Variants in NCKAP5 observed in about 807,000 individuals in gnomAD.
The protein encoded by NCKAP5 is NCK associated protein 5.
NCKAP5 carries 92 observed loss-of-function variants against 167.0 expected under a neutral mutation model. The observed-to-expected ratio is 0.55, with a 90% CI of 0.47 to 0.66. The LOEUF is 0.66. NCKAP5 is among the 30% of genes least tolerant of loss of function. The pLI, the probability that NCKAP5 is intolerant of heterozygous loss-of-function variation, is 0.00. For missense variants in NCKAP5, 2,378 were observed against 2,315.0 expected, an observed-to-expected ratio of 1.03 and a Z score of -0.56; for synonymous variants, 891 against 877.4, an observed-to-expected ratio of 1.02 and a Z score of -0.27.
At chr2:133,086,062 G>A (rs1255886263) in intron 6 of NCKAP5, among the ~76,000 whole-genome samples, 1 of 152,132 alleles carries the variant, frequency 6.6e-6, no homozygotes, top group African/African-American at 2.4e-5. Context: ...ACTTCTGTGT[G>A]ACTTTGGATC....
At chr2:133,088,010 TA>T (rs2081050565) in intron 6 of NCKAP5, among the ~76,000 whole-genome samples, 1 of 152,218 alleles carries the variant, frequency 6.6e-6, no homozygotes, top group Non-Finnish European at 1.5e-5. Context: ...GGATAAATTT[TA>T]CCAGGGCTGT....
At chr2:133,215,244 C>T (rs2086377003) in intron 4 of NCKAP5, among the ~76,000 whole-genome samples, 1 of 152,026 alleles carries the variant, frequency 6.6e-6, no homozygotes, top group African/African-American at 2.4e-5. Flanking sequence ...TTCTGATGAA[C>T]AGATCAAATA....
chr2:133,008,425 A>G (rs2149353777), intron 6 of NCKAP5, among the ~76,000 whole-genome samples: 2 of 152,332 alleles, frequency 1.3e-5, no homozygotes, highest in South Asian at 4.1e-4. Flanking sequence ...GCCTTCAGTA[A>G]GACAGTTAAT....
In NCKAP5 at chr2:133,103,773, C is replaced by T. The variant is rs2081593915; in HGVS notation, c.341+26205G>A. Among the ~76,000 whole-genome samples the T allele has an allele frequency of 2.6e-5, 4 of 152,286 alleles. No homozygotes were observed. The South Asian group carries it at 6.2e-4, about 24-fold the overall frequency. On this transcript the variant is annotated intron_variant, in intron 6 of 19. Transcript: ENST00000409261. ...CCAGCCTTGGCATCAGAGAGAGGTG[C>T]TGTCTCAGTCAGTCAATCAATCAAT...
chr2:133,138,056 C>A (rs1294564222), intron 5 of NCKAP5, among the ~76,000 whole-genome samples: 1 of 151,726 alleles, frequency 6.6e-6, no homozygotes, highest in Non-Finnish European at 1.5e-5. Context: ...CTGTAATGAG[C>A]TAGAAAGTTA....
intron 5 of NCKAP5, among the ~76,000 whole-genome samples, chr2:133,208,714 T>A (rs1014713442): frequency 6.6e-6 from 1 of 152,220 alleles, no homozygotes; most frequent in African/African-American, 2.4e-5. Flanking sequence ...ATGACAAGTG[T>A]ACCATGCTAA....
intron 16 of NCKAP5, among the ~76,000 whole-genome samples, chr2:132,756,571 C>G (rs949962361): frequency 2.0e-5 from 3 of 151,982 alleles, no homozygotes; most frequent in Non-Finnish European, 2.9e-5. Flanking sequence ...TTAGAAAAAC[C>G]TGACTCAATT....
At chr2:132,773,195 CA>C (rs1478158717) in intron 16 of NCKAP5, among the ~76,000 whole-genome samples, 1 of 152,184 alleles carries the variant, frequency 6.6e-6, no homozygotes, top group Non-Finnish European at 1.5e-5. Context: ...TATCTCTTGA[CA>C]AGGAATGCAG....
At chr2:133,326,580 G>A (rs981061937) in intron 3 of NCKAP5, among the ~76,000 whole-genome samples, 1 of 151,914 alleles carries the variant, frequency 6.6e-6, no homozygotes, top group African/African-American at 2.4e-5. Flanking sequence ...CCATTCCCTC[G>A]GAGACATTTT....
rs527705526 is a variant in NCKAP5 at position 133,236,070 on chromosome 2, C to CAAAAAAAAAA, written c.144-22301_144-22292dup. On this transcript the variant is annotated intron_variant, in intron 4 of 19. Coordinates refer to ENST00000409261, the MANE Select transcript of NCKAP5 (RefSeq NM_207363.3). ...GACAAATCAAGACCCTGTCTCAGACCAAAAAAAAAAAAAAAAAAAAAAAAA... is the reference window on the plus strand; with the variant it reads ...GACAAATCAAGACCCTGTCTCAGACCAAAAAAAAAAAAAAAAAAAAAAAAAAAAAAAAAAA... Among the ~76,000 whole-genome samples the CAAAAAAAAAA allele has an allele frequency of 2.7e-3, 42 of 15,676 alleles. 9 individuals carry two copies. Among genetic ancestry groups the CAAAAAAAAAA allele is most frequent in the African/African-American group, 5.2e-3 (37 of 7,084 alleles). The allele number at this position is 15,676 out of a possible 152,430, so 10.3% of individuals were successfully genotyped here.
intron 8 of NCKAP5, among the ~76,000 whole-genome samples, chr2:132,892,158 T>G (rs1426279190): frequency 2.6e-5 from 4 of 152,146 alleles, no homozygotes; most frequent in African/African-American, 9.7e-5. Flanking sequence ...ATTGGACAGT[T>G]TAAACAGGCT....
intron 6 of NCKAP5, among the ~76,000 whole-genome samples, chr2:133,032,166 T>C (rs1436424126): frequency 1.3e-5 from 2 of 152,090 alleles, no homozygotes; most frequent in East Asian, 3.9e-4. Context: ...AAGCAGGCTC[T>C]TGGGTTTCCC....
intron 11 of NCKAP5, among the ~76,000 whole-genome samples, chr2:132,850,899 C>T (rs1689025121): frequency 6.6e-6 from 1 of 152,086 alleles, no homozygotes; most frequent in Non-Finnish European, 1.5e-5. Context: ...TTTCTCCGGT[C>T]ACCAGTGAGT....
rs749495496 is a variant in NCKAP5, at chr2:132,782,537, A to T, written c.4274T>A (p.Leu1425Gln). The change falls in exon 14 of 20, where the codon CTG becomes CAG. Residue 1425 changes from leucine (L) to glutamine (Q), a missense_variant. Leu to Gln is a moderately radical substitution (Grantham distance 113). Transcript: ENST00000409261. Reference protein sequence around the residue: ...PPTPTDCPEALQSPGRTQHPS... With the variant: ...PPTPTDCPEAQQSPGRTQHPS... The stretch of plus-strand genomic sequence containing the variant: ...ATGCTGAGTCCTCCCTGGGCTCTGC[A>T]GGGCTTCAGGGCAGTCTGTTGGGGT... 17 of 1,589,836 alleles carry T rather than the reference A, an allele frequency of 1.1e-5. No individual in the cohort carries two copies. The highest frequency in any genetic ancestry group is 1.4e-5 in the Non-Finnish European group (16 of 1,168,596).
chr2:132,860,394 A>C, intron 11 of NCKAP5, 98 bp downstream of exon 11: 1 of 1,323,540 alleles, frequency 7.6e-7, no homozygotes, highest in South Asian at 1.5e-5. Context: ...CTGATGCAAT[A>C]TGCCTTGCTC....
At chr2:133,104,348 C>T (rs1028202267) in intron 6 of NCKAP5, among the ~76,000 whole-genome samples, 6 of 152,090 alleles carry the variant, frequency 3.9e-5, no homozygotes, top group African/African-American at 9.7e-5. Context: ...AACAGAAAAC[C>T]GGAGATGTTA....
chr2:132,942,260 T>C (rs1460735106), intron 8 of NCKAP5, among the ~76,000 whole-genome samples: 2 of 152,180 alleles, frequency 1.3e-5, no homozygotes, highest in East Asian at 3.8e-4. Context: ...ATAATTTAGA[T>C]AAGTGATTCT....
At chr2:133,598,904 C>T in the NCKAP5 span, among the ~76,000 whole-genome samples, 1 of 152,218 alleles carries the variant, frequency 6.6e-6, no homozygotes, top group Non-Finnish European at 1.5e-5. Flanking sequence ...CTCCCAGCCC[C>T]ATCCTAGCTT....
chr2:133,621,845 A>C, the NCKAP5 span, among the ~76,000 whole-genome samples: 1 of 152,104 alleles, frequency 6.6e-6, no homozygotes, highest in Non-Finnish European at 1.5e-5. Flanking sequence ...AGAAAACTAC[A>C]AACCAATATC....
Sources: gnomAD v4.1 joint callset for allele counts (sites outside exome capture counted in the v4.1 genomes callset) on GRCh38, gnomAD v4.1.1 for gene constraint, MANE v1.5 for transcripts, NCBI Gene and HGNC (gene_info 2026-07-23, HGNC 2026-07-21) for gene names.